The following PPP1R9A variants were observed in gnomAD, a reference collection of about 807,000 sequenced individuals.
PPP1R9A encodes protein phosphatase 1 regulatory subunit 9A, also known as neurabin-1.
In PPP1R9A, 59 loss-of-function variants were observed where a neutral mutation model predicts 141.9. That is an observed-to-expected ratio of 0.42 (90% CI 0.34 to 0.52). The LOEUF is 0.52. Among genes scored for constraint, PPP1R9A ranks in the 20% least tolerant of loss-of-function variants. The probability of loss-of-function intolerance (pLI) is 0.10; values close to 1 mark genes in which losing one functional copy is unlikely to be tolerated. For missense variants in PPP1R9A, 1,444 were observed against 1,611.9 expected, an observed-to-expected ratio of 0.90 and a Z score of 1.78; for synonymous variants, 500 against 569.7, an observed-to-expected ratio of 0.88 and a Z score of 1.74.
intron 2 of PPP1R9A, among the ~76,000 whole-genome samples, chr7:95,100,821 C>G (rs28487976): frequency 0.07 from 10,511 of 149,294 alleles, 482 homozygotes; most frequent in African/African-American, 0.13. Flanking sequence ...ATGCTTTTGA[C>G]ACATCCCCAG....
At chr7:95,185,580 T>A (rs1173770965) in intron 5 of PPP1R9A, among the ~76,000 whole-genome samples, 1 of 152,164 alleles carries the variant, frequency 6.6e-6, no homozygotes, top group Non-Finnish European at 1.5e-5. Flanking sequence ...TGCTTTTGGA[T>A]TCTTGGTCAT....
At chr7:95,104,501 T>C in intron 2 of PPP1R9A, among the ~76,000 whole-genome samples, 1 of 152,308 alleles carries the variant, frequency 6.6e-6, no homozygotes, top group South Asian at 2.1e-4. Context: ...ATACTCCTTA[T>C]GTTAAAAGCT....
intron 2 of PPP1R9A, among the ~76,000 whole-genome samples, chr7:94,918,875 T>C (rs1210941895): frequency 5.9e-5 from 9 of 152,188 alleles, no homozygotes; most frequent in Admixed American, 5.9e-4. Context: ...GTTGGTGATA[T>C]GGTCTAAAAG....
At chr7:95,280,145 A>G (rs932690209) in intron 16 of PPP1R9A, among the ~76,000 whole-genome samples, 2 of 152,314 alleles carry the variant, frequency 1.3e-5, no homozygotes, top group African/African-American at 4.8e-5. Context: ...TCCCATTTAG[A>G]TGAGGCTAGC....
Position 95,294,119 on chromosome 7 carries a change from G to A in PPP1R9A, c.*3816G>A, listed in dbSNP as rs1403825456. 1 of 152,156 alleles carries A rather than the reference G, an allele frequency of 6.6e-6. No homozygotes were observed. Among genetic ancestry groups the A allele is most frequent in the African/African-American group, 2.4e-5 (1 of 41,436 alleles). The allele number at this position is 152,156 out of a possible 1,614,324, so 9.4% of individuals were successfully genotyped here. A position where few individuals can be genotyped will look rare whatever the true frequency, so the allele number is the denominator to read the frequency against. Reference sequence around the variant, plus strand: ...TCACCTACTTAATGCAAAGACCTTAGTGGTCTCAGAATGAAAAGGTAAAAT... The same window carrying A: ...TCACCTACTTAATGCAAAGACCTTAATGGTCTCAGAATGAAAAGGTAAAAT... On this transcript the variant is annotated 3_prime_UTR_variant, in exon 20 of 20. Transcript: ENST00000433360.
At chr7:95,071,929 G>A (rs2152166315) in intron 2 of PPP1R9A, among the ~76,000 whole-genome samples, 1 of 151,396 alleles carries the variant, frequency 6.6e-6, no homozygotes, top group South Asian at 2.1e-4. Context: ...CTACCTTTTT[G>A]TAGTCTTTTG....
At chr7:95,061,472 A>G (rs1427216246) in intron 2 of PPP1R9A, among the ~76,000 whole-genome samples, 1 of 152,206 alleles carries the variant, frequency 6.6e-6, no homozygotes, top group African/African-American at 2.4e-5. Context: ...GCGGTGGCTC[A>G]TGCCTATTAC....
At chr7:95,100,997 C>A (rs1434575027) in intron 2 of PPP1R9A, among the ~76,000 whole-genome samples, 1 of 150,906 alleles carries the variant, frequency 6.6e-6, no homozygotes, top group African/African-American at 2.4e-5. Context: ...GGACTACAGG[C>A]GCCCGCTACC....
intron 2 of PPP1R9A, among the ~76,000 whole-genome samples, chr7:95,076,621 T>C (rs1216433212): frequency 1.1e-4 from 16 of 152,132 alleles, no homozygotes; most frequent in Admixed American, 9.2e-4. Flanking sequence ...TTTTAGTTTG[T>C]TAGTGTGTAC....
chr7:95,076,293 A>G (rs960929360), intron 2 of PPP1R9A, among the ~76,000 whole-genome samples: 1 of 152,204 alleles, frequency 6.6e-6, no homozygotes, highest in Admixed American at 6.5e-5. Context: ...ATATTTTGCA[A>G]TGGCCTACTC....
intron 2 of PPP1R9A, among the ~76,000 whole-genome samples, chr7:95,079,335 A>G (rs1815397912): frequency 1.3e-5 from 2 of 151,978 alleles, no homozygotes; most frequent in Non-Finnish European, 1.5e-5. Context: ...TGTTCCATTG[A>G]TCTATATCTC....
intron 8 of PPP1R9A, among the ~76,000 whole-genome samples, chr7:95,234,524 A>G (rs894872318): frequency 6.6e-6 from 1 of 152,224 alleles, no homozygotes; most frequent in Non-Finnish European, 1.5e-5. Context: ...GAAAGAAATC[A>G]TAGACGACAC....
chr7:95,051,383 T>C (rs1403619835), intron 2 of PPP1R9A, among the ~76,000 whole-genome samples: 1 of 152,200 alleles, frequency 6.6e-6, no homozygotes, highest in African/African-American at 2.4e-5. Context: ...TTACTGTAGT[T>C]TTATAGTAAG....
At chr7:94,990,930 C>T (rs1381120668) in intron 2 of PPP1R9A, among the ~76,000 whole-genome samples, 1 of 152,120 alleles carries the variant, frequency 6.6e-6, no homozygotes, top group African/African-American at 2.4e-5. Context: ...AAATACACCA[C>T]ATTTTCTTTA....
chr7:95,040,610 C>G (rs905019779), intron 2 of PPP1R9A, among the ~76,000 whole-genome samples: 3 of 152,116 alleles, frequency 2.0e-5, no homozygotes, highest in Admixed American at 2.0e-4. Flanking sequence ...TGTATCTTCT[C>G]CCTTACTCAG....
At chr7:95,102,884 G>A (rs913600364) in intron 2 of PPP1R9A, among the ~76,000 whole-genome samples, 1 of 152,130 alleles carries the variant, frequency 6.6e-6, no homozygotes, top group African/African-American at 2.4e-5. Flanking sequence ...AACGTTGGTA[G>A]GCCACAGTAC....
chr7:95,182,354 A>G (rs1833978636), intron 5 of PPP1R9A, among the ~76,000 whole-genome samples: 2 of 152,120 alleles, frequency 1.3e-5, no homozygotes, highest in Non-Finnish European at 2.9e-5. Flanking sequence ...AAAATAAAAT[A>G]TAAATGAATG....
intron 4 of PPP1R9A, among the ~76,000 whole-genome samples, chr7:95,153,615 T>C (rs1442583292): frequency 6.6e-6 from 1 of 152,238 alleles, no homozygotes; most frequent in East Asian, 1.9e-4. Context: ...AGTTTTTAGC[T>C]TTAAATTTTT....
At chr7:94,966,139 G>A (rs182846412) in intron 2 of PPP1R9A, among the ~76,000 whole-genome samples, 2 of 152,234 alleles carry the variant, frequency 1.3e-5, no homozygotes, top group African/African-American at 4.8e-5. Context: ...TTGGTGTATA[G>A]GAATGCTTGT....
Sources: allele counts gnomAD v4.1 joint callset (sites outside exome capture counted in the v4.1 genomes callset), GRCh38; gene constraint gnomAD v4.1.1; transcripts MANE v1.5; gene names NCBI Gene and HGNC (gene_info 2026-07-23, HGNC 2026-07-21).